Variants in PIBF1 observed in about 807,000 individuals in gnomAD.
PIBF1 encodes progesterone immunomodulatory binding factor 1, also known as progesterone-induced-blocking factor 1.
A neutral mutation model predicts 112.5 loss-of-function variants in PIBF1; 90 were observed. The ratio of observed to expected loss-of-function variants is 0.80; its 90% confidence interval spans 0.67 to 0.95. The LOEUF (loss-of-function observed/expected upper bound fraction) is 0.95. Ranked by LOEUF, PIBF1 falls within the 40% of genes least tolerant of loss-of-function variation. The pLI is 0.00. For synonymous variants in PIBF1, 301 were observed against 288.6 expected (o/e 1.04, Z -0.44); for missense variants, 915 against 852.3 (o/e 1.07, Z -0.92).
chr13:72,791,035 A>ATTTT (rs746899504), intron 2 of PIBF1, among the ~76,000 whole-genome samples: 2 of 115,730 alleles, frequency 1.7e-5, no homozygotes, highest in Admixed American at 9.1e-5. Flanking sequence ...AAATTCATGT[A>ATTTT]TTTTTGTTTG....
intron 10 of PIBF1, among the ~76,000 whole-genome samples, chr13:72,886,704 A>G (rs1450358031): frequency 2.0e-5 from 3 of 152,042 alleles, no homozygotes; most frequent in Non-Finnish European, 4.4e-5. Context: ...TGAAATTCTT[A>G]TAAATCCATG....
chr13:72,878,120 AT>A (rs140484902), intron 10 of PIBF1, among the ~76,000 whole-genome samples: 11 of 144,964 alleles, frequency 7.6e-5, no homozygotes, highest in African/African-American at 2.5e-4. Context: ...GGTTTTATTG[AT>A]TTTTTTTTTC....
rs1365333907 is a variant in PIBF1 at position 72,976,772 on chromosome 13, G to A, written c.2049+3097G>A. ...TGGCCATTCACTTGAACATTTACCT[G>A]ATGAAACAGGATTGATTTATTCACT... On this transcript the variant is annotated intron_variant, in intron 16 of 17. Transcript: ENST00000326291. Among the ~76,000 whole-genome samples the A allele has an allele frequency of 5.9e-5, 9 of 152,276 alleles. No individual in the cohort carries two copies. The South Asian group carries it at 1.2e-3, about 21-fold the overall frequency.
At position 72,881,885 on chromosome 13, in the gene PIBF1, A is replaced by G. The variant is rs557482217; in HGVS notation, c.1323-11899A>G. 7.4e-4 allele frequency among the ~76,000 whole-genome samples: 113 copies of G among 152,220 alleles called. 1 individual carries two copies. The highest frequency in any genetic ancestry group is 6.8e-3 in the Middle Eastern group (2 of 294). On this transcript the variant is annotated intron_variant, in intron 10 of 17. Coordinates refer to ENST00000326291, the MANE Select transcript of PIBF1 (RefSeq NM_006346.4). ...TTACCCAGAGCAGTCTACAGATTCAATGCAATCCCTCTTAGTATACCAATG... is the reference window on the plus strand; with the variant it reads ...TTACCCAGAGCAGTCTACAGATTCAGTGCAATCCCTCTTAGTATACCAATG...
At chr13:72,921,563 T>C (rs2041292614) in intron 13 of PIBF1, among the ~76,000 whole-genome samples, 1 of 152,216 alleles carries the variant, frequency 6.6e-6, no homozygotes, top group Admixed American at 6.5e-5. Context: ...AGAATTCCAT[T>C]GTAAACATTT....
At chr13:72,839,832 C>T (rs1378064933) in intron 9 of PIBF1, among the ~76,000 whole-genome samples, 3 of 152,186 alleles carry the variant, frequency 2.0e-5, no homozygotes, top group African/African-American at 4.8e-5. Context: ...CCAACAGAGC[C>T]GTTTCTGGAA....
rs151217381 is a variant in PIBF1 at position 72,942,440 on chromosome 13, T to A, written c.1833+11173T>A. 7.6e-3 allele frequency among the ~76,000 whole-genome samples: 1,152 copies of A among 152,286 alleles called. 14 individuals carry two copies. Among genetic ancestry groups the A allele is most frequent in the Middle Eastern group, 0.014 (4 of 294 alleles). ...TTGTCCTATATTGCACAACTCTGTT[T>A]CTGTGTTTTTCTTCTGTTTCAATGC... On this transcript the variant is annotated intron_variant, in intron 14 of 17. Transcript: ENST00000326291.
intron 10 of PIBF1, among the ~76,000 whole-genome samples, chr13:72,890,486 G>A (rs1431698294): frequency 6.6e-6 from 1 of 152,048 alleles, no homozygotes; most frequent in South Asian, 2.1e-4. Context: ...TTGGTATATG[G>A]TTGGGTCTTA....
intron 10 of PIBF1, among the ~76,000 whole-genome samples, chr13:72,861,138 A>C (rs2038678904): frequency 6.6e-6 from 1 of 152,146 alleles, no homozygotes; most frequent in Non-Finnish European, 1.5e-5. Context: ...TTTATTTAAA[A>C]AAATATATTC....
At chr13:72,919,980 A>C (rs1002649126) in intron 13 of PIBF1, among the ~76,000 whole-genome samples, 3 of 152,164 alleles carry the variant, frequency 2.0e-5, no homozygotes, top group Non-Finnish European at 4.4e-5. Flanking sequence ...TCTCCAAAAA[A>C]AGAAAAACAG....
rs760106669 is a variant in PIBF1, at chr13:72,973,596, TAAATA to T, written c.1973_1977del (p.Asn658ArgfsTer24). On this transcript the variant is annotated frameshift_variant, in exon 16 of 18. Coordinates refer to ENST00000326291, the MANE Select transcript of PIBF1 (RefSeq NM_006346.4). LOFTEE classifies it high-confidence loss of function. ...ACTGGGGTTTTTTTTTTCAGCAACTTAAATAAAGAAAAGTCAGCTTTACTACAGAC... is the reference window on the plus strand; with the variant it reads ...ACTGGGGTTTTTTTTTTCAGCAACTTAAGAAAAGTCAGCTTTACTACAGAC... The T allele has an allele frequency of 2.5e-5, 38 of 1,542,248 alleles. No homozygotes were observed. The highest frequency in any genetic ancestry group is 3.2e-5 in the Non-Finnish European group (37 of 1,140,438).
intron 11 of PIBF1, among the ~76,000 whole-genome samples, chr13:72,904,988 T>C (rs1483858985): frequency 2.0e-5 from 3 of 152,104 alleles, no homozygotes; most frequent in Non-Finnish European, 4.4e-5. Context: ...GGTTATATTA[T>C]TTAATATCGC....
In PIBF1 at chr13:72,788,764, G is replaced by A. The variant is rs80175991; in HGVS notation, c.253-3683G>A. On this transcript the variant is annotated intron_variant, in intron 2 of 17. Transcript: ENST00000326291. ...TTGTTACTAATAAAAACCAGAGTAT[G>A]TCAGAAAGAAGGGAAGGTTTGATGT... Among the ~76,000 whole-genome samples the A allele has an allele frequency of 8.5e-3, 1,296 of 152,296 alleles. 67 individuals are homozygous for A. The highest frequency in any genetic ancestry group is 9.4e-3 in the East Asian group (49 of 5,186).
chr13:72,973,842 G>A, intron 16 of PIBF1, 167 bp downstream of exon 16: 2 of 521,564 alleles, frequency 3.8e-6, no homozygotes, highest in Non-Finnish European at 6.8e-6. Context: ...ATACTTCTTA[G>A]AGTTAATTCT....
intron 12 of PIBF1, among the ~76,000 whole-genome samples, chr13:72,914,272 TAATCA>T (rs2041006749): frequency 6.6e-6 from 1 of 152,198 alleles, no homozygotes; most frequent in Non-Finnish European, 1.5e-5. Context: ...TTGCTTTCTG[TAATCA>T]AATAAGTATT....
intron 16 of PIBF1, among the ~76,000 whole-genome samples, chr13:72,996,788 G>A (rs1274181845): frequency 6.6e-6 from 1 of 151,778 alleles, no homozygotes. Flanking sequence ...AAATTGAAGT[G>A]GAATTTTCTT....
At chr13:72,991,369 C>T (rs2043474420) in intron 16 of PIBF1, among the ~76,000 whole-genome samples, 1 of 152,138 alleles carries the variant, frequency 6.6e-6, no homozygotes, top group South Asian at 2.1e-4. Flanking sequence ...TATACTGCAA[C>T]ATAGTTTTTG....
At chr13:72,800,184 C>T (rs1453753984) in intron 5 of PIBF1, among the ~76,000 whole-genome samples, 2 of 152,128 alleles carry the variant, frequency 1.3e-5, no homozygotes, top group African/African-American at 2.4e-5. Flanking sequence ...TACAGGCATG[C>T]GCTACCACAC....
intron 12 of PIBF1, among the ~76,000 whole-genome samples, chr13:72,916,263 G>A (rs892824726): frequency 6.6e-6 from 1 of 151,782 alleles, no homozygotes; most frequent in Non-Finnish European, 1.5e-5. Context: ...TTGGTGGTGG[G>A]CACCTGCAAT....
Sources: allele counts gnomAD v4.1 joint callset (sites outside exome capture counted in the v4.1 genomes callset), GRCh38; gene constraint gnomAD v4.1.1; transcripts MANE v1.5; gene names NCBI Gene and HGNC (gene_info 2026-07-23, HGNC 2026-07-21).